The following SYNE2 variants were observed in gnomAD, a reference collection of about 807,000 sequenced individuals.
SYNE2 encodes the protein spectrin repeat containing nuclear envelope protein 2.
In SYNE2, 431 loss-of-function variants were observed where a neutral mutation model predicts 856.3. The observed-to-expected ratio is 0.50, with a 90% confidence interval of 0.47 to 0.55. SYNE2 has a LOEUF of 0.55. SYNE2 is among the 20% of genes least tolerant of loss of function. The probability of loss-of-function intolerance (pLI) is 0.00; values close to 1 mark genes in which losing one functional copy is unlikely to be tolerated. For missense variants in SYNE2, 8,129 were observed against 8,023.2 expected (o/e 1.01, Z -0.50); for synonymous variants, 2,923 against 2,872.3 (o/e 1.02, Z -0.56).
At chr14:64,089,263 G>A (rs534989348) in intron 58 of SYNE2, among the ~76,000 whole-genome samples, 1 of 150,968 alleles carries the variant, frequency 6.6e-6, no homozygotes, top group Non-Finnish European at 1.5e-5. Context: ...CTATTCAGGA[G>A]GCTGAGGCAG....
chr14:64,169,293 T>A (rs2098398869), intron 93 of SYNE2, among the ~76,000 whole-genome samples: 1 of 152,250 alleles, frequency 6.6e-6, no homozygotes. Flanking sequence ...TTTCCTTCTC[T>A]ACCATCATCC....
chr14:64,166,511 A>G (rs541836657), intron 90 of SYNE2, among the ~76,000 whole-genome samples: 2 of 152,362 alleles, frequency 1.3e-5, no homozygotes, highest in Non-Finnish European at 2.9e-5. Flanking sequence ...TTCTATCAAA[A>G]TATGGGTGTT....
At chr14:63,807,842 TATA>T (rs2139816511) in intron 1 of SYNE2, among the ~76,000 whole-genome samples, 1 of 99,490 alleles carries the variant, frequency 1.0e-5, no homozygotes, top group South Asian at 3.7e-4. Context: ...TATATATATA[TATA>T]TATATATATA....
intron 45 of SYNE2, among the ~76,000 whole-genome samples, chr14:64,040,162 A>G (rs1029678406): frequency 6.6e-6 from 1 of 152,212 alleles, no homozygotes; most frequent in Non-Finnish European, 1.5e-5. Flanking sequence ...GTAGGTTAAA[A>G]AAAGTAAAGT....
intron 2 of SYNE2, among the ~76,000 whole-genome samples, chr14:63,916,620 CAGAT>C (rs2095536355): frequency 6.6e-6 from 1 of 152,058 alleles, no homozygotes; most frequent in African/African-American, 2.4e-5. Context: ...TGAAAATTGT[CAGAT>C]AGGATGGAAA....
At chr14:64,157,634 T>G (rs1196606712) in intron 85 of SYNE2, among the ~76,000 whole-genome samples, 3 of 152,162 alleles carry the variant, frequency 2.0e-5, no homozygotes, top group Admixed American at 6.6e-5. Context: ...GCAACTCTAT[T>G]TAATTTTTTG....
Position 63,815,150 on chromosome 14 carries a change from A to T in SYNE2, c.-304-37351A>T, listed in dbSNP as rs574232777. On this transcript the variant is annotated intron_variant, in intron 1 of 23. Transcript: ENST00000674003. ...CACATATATATCCATATATATACAC[A>T]TATATATCCATATATATCCACATAT... Among the ~76,000 whole-genome samples the T allele has an allele frequency of 6.1e-3, 443 of 73,056 alleles. 4 individuals carry two copies. The highest frequency in any genetic ancestry group is 0.02 in the African/African-American group (415 of 20,784). 47.9% of individuals were successfully genotyped at this position (73,056 alleles called of 152,430 possible).
intron 8 of SYNE2, among the ~76,000 whole-genome samples, chr14:63,958,323 C>A (rs2096266498): frequency 6.6e-6 from 1 of 152,176 alleles, no homozygotes; most frequent in South Asian, 2.1e-4. Context: ...TGTCATATCT[C>A]CTGTGACTCC....
rs528002229 is a variant in SYNE2 at position 64,219,104 on chromosome 14, GT to G, written c.19658-84del. ...CAGGGGAATCCCCTACAGTTTTTTT[GT>G]TTTTTTTTTTTTTTTTTTTAACCAC... is the stretch of plus-strand genomic sequence containing the variant. On this transcript the variant is annotated intron_variant, in intron 109 of 115. Transcript: ENST00000555002. The G allele has an allele frequency of 0.11, 43,464 of 392,316 alleles. 182 individuals carry two copies. The highest frequency in any genetic ancestry group is 0.13 in the Middle Eastern group (177 of 1,314). The allele number at this position is 392,316 out of a possible 1,614,324, so 24.3% of individuals were successfully genotyped here.
intron 8 of SYNE2, among the ~76,000 whole-genome samples, chr14:63,956,207 A>G (rs571925837): frequency 1.3e-5 from 2 of 152,320 alleles, no homozygotes; most frequent in South Asian, 4.1e-4. Flanking sequence ...ATGTGCAGTC[A>G]CTGAACACAG....
At chr14:63,858,934 A>AT (rs1378267944) in intron 1 of SYNE2, among the ~76,000 whole-genome samples, 2 of 151,998 alleles carry the variant, frequency 1.3e-5, no homozygotes, top group Admixed American at 6.5e-5. Context: ...TTCTCCTATG[A>AT]TTTTTTTCTA....
chr14:63,864,059 C>T (rs932954679), intron 1 of SYNE2, among the ~76,000 whole-genome samples: 10 of 152,122 alleles, frequency 6.6e-5, no homozygotes, highest in African/African-American at 9.7e-5. Flanking sequence ...GTGATCCACC[C>T]GCCTCAGCCT....
intron 60 of SYNE2, among the ~76,000 whole-genome samples, chr14:64,092,055 A>G (rs767034987): frequency 6.6e-6 from 1 of 152,132 alleles, no homozygotes; most frequent in Non-Finnish European, 1.5e-5. Flanking sequence ...TAACACCTAC[A>G]GAGAGAAAAA....
intron 1 of SYNE2, among the ~76,000 whole-genome samples, chr14:63,807,335 C>G (rs1888399415): frequency 7.2e-6 from 1 of 139,444 alleles, no homozygotes; most frequent in Non-Finnish European, 1.5e-5. Context: ...GAACAAGACC[C>G]TGTCTCAAAA....
chr14:63,788,477 C>T (rs1379462930), intron 1 of SYNE2, among the ~76,000 whole-genome samples: 1 of 152,138 alleles, frequency 6.6e-6, no homozygotes, highest in Non-Finnish European at 1.5e-5. Context: ...CTGCTCCCGG[C>T]CCACACAAGA....
chr14:64,209,636 G>T, intron 102 of SYNE2, 58 bp downstream of exon 102: 1 of 1,605,300 alleles, frequency 6.2e-7, no homozygotes, highest in East Asian at 2.2e-5. Flanking sequence ...GCGAGCCTGG[G>T]GGCTGCTGAA....
chr14:63,919,211 C>T (rs1225307657), intron 2 of SYNE2, among the ~76,000 whole-genome samples: 1 of 152,036 alleles, frequency 6.6e-6, no homozygotes, highest in Non-Finnish European at 1.5e-5. Flanking sequence ...GCCCATGGTG[C>T]TTATATTTAA....
intron 100 of SYNE2, among the ~76,000 whole-genome samples, chr14:64,205,831 TTCTC>T (rs955080612): frequency 6.6e-6 from 1 of 152,144 alleles, no homozygotes; most frequent in African/African-American, 2.4e-5. Context: ...GGTTGCTTGT[TTCTC>T]TGTGGGGTGC....
At chr14:63,922,160 T>C (rs1410975628) in intron 2 of SYNE2, among the ~76,000 whole-genome samples, 2 of 152,042 alleles carry the variant, frequency 1.3e-5, no homozygotes, top group Admixed American at 6.6e-5. Context: ...TGCGCCACCA[T>C]GCCTGGCTAA....
Sources: gnomAD v4.1 joint callset for allele counts (sites outside exome capture counted in the v4.1 genomes callset) on GRCh38, gnomAD v4.1.1 for gene constraint, MANE v1.5 for transcripts, NCBI Gene and HGNC (gene_info 2026-07-23, HGNC 2026-07-21) for gene names.